The following CHL1 variants were observed in gnomAD, a reference collection of about 807,000 sequenced individuals.
CHL1 encodes neural cell adhesion molecule L1-like protein.
A neutral mutation model predicts 141.9 loss-of-function variants in CHL1; 96 were observed. That is an observed-to-expected ratio of 0.68 (90% CI 0.57 to 0.80). The LOEUF is 0.80. Ranked by LOEUF, CHL1 falls within the 30% of genes least tolerant of loss-of-function variation. The pLI is 0.00. For synonymous variants in CHL1, 613 were observed against 502.2 expected, an observed-to-expected ratio of 1.22 and a Z score of -2.95; for missense variants, 1,820 against 1,457.2, an observed-to-expected ratio of 1.25 and a Z score of -4.05.
intron 13 of CHL1, among the ~76,000 whole-genome samples, chr3:362,581 G>C (rs1249815992): frequency 6.6e-6 from 1 of 151,610 alleles, no homozygotes; most frequent in African/African-American, 2.4e-5. Context: ...CCTAGTCCCT[G>C]TCCTGTATGA....
At chr3:197,868 C>G (rs1327279458) in intron 1 of CHL1, 1 of 386,138 alleles carries the variant, frequency 2.6e-6, no homozygotes, top group African/African-American at 2.7e-5. Context: ...CTCTCTTTCT[C>G]TCGCTTTTTT....
At position 280,479 on chromosome 3, in the gene CHL1, T is replaced by G. The variant is rs867460764; in HGVS notation, c.-95+35787T>G. Among the ~76,000 whole-genome samples, 10 of 152,312 alleles carry G rather than the reference T, an allele frequency of 6.6e-5. No individual in the cohort carries two copies. In the South Asian group the frequency reaches 8.3e-4, roughly 13 times the overall value. Reference sequence around the variant, plus strand: ...AGTGCTGAATAACTTAGATAAGAATTAAAGTGCTGAATAATTTAGATAAGA... The same window carrying G: ...AGTGCTGAATAACTTAGATAAGAATGAAAGTGCTGAATAATTTAGATAAGA... On this transcript the variant is annotated intron_variant, in intron 2 of 27. Coordinates refer to ENST00000256509, the MANE Select transcript of CHL1 (RefSeq NM_006614.4).
intron 2 of CHL1, among the ~76,000 whole-genome samples, chr3:318,994 T>C (rs148723233): frequency 7.0e-4 from 106 of 151,756 alleles, no homozygotes; most frequent in African/African-American, 2.1e-3. Context: ...AAGAACAAAA[T>C]TGTGTCCTTG....
At chr3:241,584 G>GTT (rs397963992) in intron 1 of CHL1, among the ~76,000 whole-genome samples, 1 of 148,124 alleles carries the variant, frequency 6.8e-6, no homozygotes, top group East Asian at 2.0e-4. Flanking sequence ...CTTCTCTCTG[G>GTT]TTTTTTTTTT....
chr3:391,270 C>T (rs1708207923), intron 22 of CHL1, 111 bp downstream of exon 22: 4 of 834,068 alleles, frequency 4.8e-6, no homozygotes, highest in Middle Eastern at 3.0e-4. Flanking sequence ...AATCCCAGCA[C>T]TTTGGGAGGC....
intron 1 of CHL1, among the ~76,000 whole-genome samples, chr3:240,046 T>C (rs557100927): frequency 5.4e-4 from 82 of 152,358 alleles, no homozygotes; most frequent in African/African-American, 1.8e-3. Context: ...ATTGTGCTGC[T>C]ATAAACATGC....
At position 358,582 on chromosome 3, in the gene CHL1, C is replaced by T. The variant is rs149166281; in HGVS notation, c.1166-1702C>T. 1.3e-3 allele frequency among the ~76,000 whole-genome samples: 203 copies of T among 152,234 alleles called. 1 individual carries two copies. Among genetic ancestry groups the T allele is most frequent in the African/African-American group, 4.0e-3 (166 of 41,550 alleles). On this transcript the variant is annotated intron_variant, in intron 11 of 27. Transcript: ENST00000256509. ...CAGGAATAAAGGTTACCCAACCTAA[C>T]ATTTTAAGTCATTCCAATAAGTATT...
chr3:394,935 A>G (rs1043474024), intron 24 of CHL1, 63 bp downstream of exon 24: 2 of 1,330,332 alleles, frequency 1.5e-6, no homozygotes, highest in African/African-American at 3.0e-5. Flanking sequence ...CTTTTTAAAC[A>G]GCTGCACTGA....
intron 2 of CHL1, among the ~76,000 whole-genome samples, chr3:256,085 C>G (rs1417323730): frequency 8.4e-6 from 1 of 118,450 alleles, no homozygotes; most frequent in African/African-American, 3.0e-5. Context: ...TAGTTCCTCA[C>G]TTTGAGTTCT....
rs769233255 is a variant in CHL1 at position 344,681 on chromosome 3, T to A, written c.820T>A (p.Leu274Met). ...AATTACCATCCTCAAAGGGGAAATC[T>A]TGCTGCTTGAGTGTTTTGCTGAAGG... The part of the protein sequence containing the change: ...SSITILKGEI[L>M]LLECFAEGLP... The change falls in exon 9 of 28, where the codon TTG (leucine) becomes ATG (methionine). Residue 274 changes from leucine (L) to methionine (M), a missense_variant. Leu to Met is a conservative substitution (Grantham distance 15, BLOSUM62 2). Transcript: ENST00000256509. 1.9e-6 allele frequency: 3 copies of A among 1,613,864 alleles called. No individual in the cohort carries two copies. The highest frequency in any genetic ancestry group is 2.2e-5 in the South Asian group (2 of 91,042).
At chr3:260,228 C>A (rs972787876) in intron 2 of CHL1, among the ~76,000 whole-genome samples, 1 of 151,712 alleles carries the variant, frequency 6.6e-6, no homozygotes, top group Non-Finnish European at 1.5e-5. Flanking sequence ...GGTGCCACTG[C>A]ACTCCAGACT....
At chr3:224,526 T>C (rs1349924434) in intron 1 of CHL1, among the ~76,000 whole-genome samples, 1 of 151,964 alleles carries the variant, frequency 6.6e-6, no homozygotes, top group African/African-American at 2.4e-5. Context: ...AGGTGGCTCC[T>C]CCCCAACTAA....
At chr3:237,001 T>C (rs1292979732) in intron 1 of CHL1, among the ~76,000 whole-genome samples, 3 of 152,192 alleles carry the variant, frequency 2.0e-5, no homozygotes, top group African/African-American at 4.8e-5. Context: ...GTTACTGACA[T>C]AGCAAGGAAT....
rs73817643 is a variant in CHL1, at chr3:350,471, A to G, written c.1033+928A>G. Among the ~76,000 whole-genome samples, 433 of 152,318 alleles carry G rather than the reference A, an allele frequency of 2.8e-3. 2 individuals are homozygous for G. Among genetic ancestry groups the G allele is most frequent in the African/African-American group, 9.8e-3 (407 of 41,580 alleles). ...TAGTGCAGTGTAAGCTTAGCTACTG[A>G]AAGGAATTATTCTTTTTAGACTACA... On this transcript the variant is annotated intron_variant, in intron 10 of 27. Transcript: ENST00000256509.
chr3:281,313 A>G (rs1368894712), intron 2 of CHL1, among the ~76,000 whole-genome samples: 2 of 152,148 alleles, frequency 1.3e-5, no homozygotes, highest in Non-Finnish European at 2.9e-5. Context: ...GAGAATTTAC[A>G]TAACTCCAGG....
At chr3:400,873 A>G (rs1167801093) in intron 26 of CHL1, among the ~76,000 whole-genome samples, 2 of 147,442 alleles carry the variant, frequency 1.4e-5, no homozygotes, top group Non-Finnish European at 3.0e-5. Flanking sequence ...TTTGAGTAAG[A>G]GTGATGTATA....
chr3:207,946 A>T (rs1699581640), intron 1 of CHL1, among the ~76,000 whole-genome samples: 1 of 152,214 alleles, frequency 6.6e-6, no homozygotes, highest in Non-Finnish European at 1.5e-5. Flanking sequence ...TTCTGAGTCA[A>T]GTTCAAATAA....
intron 1 of CHL1, among the ~76,000 whole-genome samples, chr3:204,695 C>G (rs1699255206): frequency 6.6e-6 from 1 of 152,156 alleles, no homozygotes; most frequent in Non-Finnish European, 1.5e-5. Flanking sequence ...TAACACGTCT[C>G]ATGTGCAAAA....
chr3:379,918 C>A (rs997098152), intron 16 of CHL1, among the ~76,000 whole-genome samples: 2 of 151,894 alleles, frequency 1.3e-5, no homozygotes, highest in African/African-American at 4.8e-5. Context: ...TGTTTTACCC[C>A]CTGGAAAACA....
Sources: gnomAD v4.1 joint callset for allele counts (sites outside exome capture counted in the v4.1 genomes callset) on GRCh38, gnomAD v4.1.1 for gene constraint, MANE v1.5 for transcripts, NCBI Gene and HGNC (gene_info 2026-07-23, HGNC 2026-07-21) for gene names.